Variants in DLG2 observed in about 807,000 individuals in gnomAD.
The protein encoded by DLG2 is disks large homolog 2.
Under a neutral mutation model 132.5 loss-of-function variants are expected in DLG2, and 45 were observed. The ratio of observed to expected loss-of-function variants is 0.34; its 90% CI spans 0.27 to 0.44. DLG2 has a LOEUF of 0.44. DLG2 is among the 20% of genes least tolerant of loss of function. The probability of loss-of-function intolerance (pLI) is 1.00; values close to 1 mark genes in which losing one functional copy is unlikely to be tolerated. For synonymous variants in DLG2, 424 were observed against 419.6 expected, an observed-to-expected ratio of 1.01 and a Z score of -0.13; for missense variants, 1,045 against 1,196.9, an observed-to-expected ratio of 0.87 and a Z score of 1.87.
chr11:84,344,872 C>A (rs917130784), intron 7 of DLG2, among the ~76,000 whole-genome samples: 1 of 151,978 alleles, frequency 6.6e-6, no homozygotes, highest in Non-Finnish European at 1.5e-5. Context: ...TTTCTTCTAC[C>A]GTATGGAAGG....
intron 3 of DLG2, among the ~76,000 whole-genome samples, chr11:85,412,316 G>A (rs2089382447): frequency 6.6e-6 from 1 of 151,770 alleles, no homozygotes; most frequent in Non-Finnish European, 1.5e-5. Flanking sequence ...ACAGCCCTAG[G>A]ATGAAACAAC....
At chr11:84,544,612 A>G (rs1367095939) in intron 6 of DLG2, among the ~76,000 whole-genome samples, 1 of 152,246 alleles carries the variant, frequency 6.6e-6, no homozygotes, top group African/African-American at 2.4e-5. Context: ...AATCTTGGTT[A>G]TACTACTTGC....
chr11:84,799,459 T>C (rs564622203), intron 6 of DLG2, among the ~76,000 whole-genome samples: 3 of 152,298 alleles, frequency 2.0e-5, no homozygotes, highest in African/African-American at 7.2e-5. Context: ...CTTTCAGTAA[T>C]ATAAAATTAA....
intron 9 of DLG2, among the ~76,000 whole-genome samples, chr11:84,115,698 A>T (rs1401185830): frequency 1.3e-5 from 2 of 152,174 alleles, no homozygotes; most frequent in African/African-American, 4.8e-5. Flanking sequence ...CTCAAGCGTT[A>T]CCACCTCAAA....
intron 11 of DLG2, among the ~76,000 whole-genome samples, chr11:84,042,343 T>A (rs1474254919): frequency 6.6e-6 from 1 of 151,870 alleles, no homozygotes; most frequent in Non-Finnish European, 1.5e-5. Flanking sequence ...TCTTAATAAA[T>A]GGTAAGCCTG....
At chr11:84,247,633 A>C (rs868545335) in intron 8 of DLG2, among the ~76,000 whole-genome samples, 1 of 152,296 alleles carries the variant, frequency 6.6e-6, no homozygotes, top group African/African-American at 2.4e-5. Context: ...TTCATGTAAG[A>C]ACCTCAGTGA....
At chr11:84,940,237 G>C (rs542304556) in intron 6 of DLG2, among the ~76,000 whole-genome samples, 1 of 152,140 alleles carries the variant, frequency 6.6e-6, no homozygotes, top group Admixed American at 6.5e-5. Context: ...TGCAACCCCC[G>C]CCTCCTGGGT....
At chr11:85,256,291 G>C (rs1460208858) in intron 4 of DLG2, among the ~76,000 whole-genome samples, 1 of 152,146 alleles carries the variant, frequency 6.6e-6, no homozygotes, top group Non-Finnish European at 1.5e-5. Context: ...TGATCGGAGA[G>C]GAGATCAGCC....
In DLG2 at chr11:84,992,194, A is replaced by T. The variant is rs536441879; in HGVS notation, c.357+119467T>A. ...CTTGGGGAAGTCTTCTCTGAACCAC[A>T]GGTCTAGTTAAATTACTTCAATATT... is the stretch of plus-strand genomic sequence containing the variant. On this transcript the variant is annotated intron_variant, in intron 6 of 27. Coordinates refer to ENST00000376104, the MANE Select transcript of DLG2 (RefSeq NM_001142699.3). Among the ~76,000 whole-genome samples, 4 of 152,202 alleles carry T rather than the reference A, an allele frequency of 2.6e-5. No individual in the cohort carries two copies. The East Asian group carries it at 7.7e-4, about 29-fold the overall frequency.
At chr11:84,440,272 G>A (rs922005155) in intron 7 of DLG2, among the ~76,000 whole-genome samples, 1 of 152,180 alleles carries the variant, frequency 6.6e-6, no homozygotes, top group Non-Finnish European at 1.5e-5. Context: ...GTTAGGACTC[G>A]TGTTCATGTT....
At chr11:84,882,922 A>G (rs901076330) in intron 6 of DLG2, among the ~76,000 whole-genome samples, 1 of 152,032 alleles carries the variant, frequency 6.6e-6, no homozygotes, top group Non-Finnish European at 1.5e-5. Flanking sequence ...AATTTTCAAT[A>G]GGAATTTGCC....
chr11:85,432,112 C>G (rs575124695), intron 3 of DLG2, among the ~76,000 whole-genome samples: 1 of 152,282 alleles, frequency 6.6e-6, no homozygotes, highest in East Asian at 1.9e-4. Context: ...AACAAACAAA[C>G]AGAAAGCAAC....
chr11:85,595,758 T>C (rs1000721894), intron 3 of DLG2, among the ~76,000 whole-genome samples: 5 of 152,200 alleles, frequency 3.3e-5, no homozygotes, highest in South Asian at 2.1e-4. Flanking sequence ...TATTTAACCA[T>C]TGAATTTTAT....
chr11:84,349,438 C>T (rs1015863085), intron 7 of DLG2, among the ~76,000 whole-genome samples: 14 of 150,640 alleles, frequency 9.3e-5, no homozygotes, highest in Admixed American at 2.6e-4. Context: ...TTATTTCAAC[C>T]CTTTGGAAAA....
At chr11:85,012,061 C>G (rs1416453123) in intron 6 of DLG2, among the ~76,000 whole-genome samples, 6 of 151,984 alleles carry the variant, frequency 3.9e-5, no homozygotes, top group Middle Eastern at 3.4e-3. Flanking sequence ...GTGGCTCATG[C>G]CTGTAATCCC....
At chr11:84,412,445 T>A (rs1257841717) in intron 7 of DLG2, among the ~76,000 whole-genome samples, 1 of 152,176 alleles carries the variant, frequency 6.6e-6, no homozygotes, top group Non-Finnish European at 1.5e-5. Context: ...CCAAGTTAAA[T>A]GTTTGTTCAC....
intron 7 of DLG2, among the ~76,000 whole-genome samples, chr11:84,431,749 T>C (rs2098985360): frequency 6.6e-6 from 1 of 152,158 alleles, no homozygotes. Flanking sequence ...TTATATTAAC[T>C]CATTTTATCC....
intron 4 of DLG2, among the ~76,000 whole-genome samples, chr11:85,165,063 C>G (rs2078335725): frequency 6.6e-6 from 1 of 152,114 alleles, no homozygotes; most frequent in Non-Finnish European, 1.5e-5. Context: ...GTTTGAAAAC[C>G]TCTGATCTAG....
chr11:84,853,282 C>T (rs779787679), intron 6 of DLG2, among the ~76,000 whole-genome samples: 2 of 151,782 alleles, frequency 1.3e-5, no homozygotes, highest in African/African-American at 2.4e-5. Flanking sequence ...CAAACGTGAC[C>T]CAGTGAACAT....
Sources: allele counts gnomAD v4.1 joint callset (sites outside exome capture counted in the v4.1 genomes callset), GRCh38; gene constraint gnomAD v4.1.1; transcripts MANE v1.5; gene names NCBI Gene and HGNC (gene_info 2026-07-23, HGNC 2026-07-21).